NOS3: variants seen among roughly 807,000 people sequenced by gnomAD.
NOS3 encodes NOS type III.
NOS3 carries 98 observed loss-of-function variants against 144.9 expected under a neutral mutation model. The observed-to-expected ratio is 0.68, with a 90% confidence interval of 0.57 to 0.80. The LOEUF is 0.80. Among genes scored for constraint, NOS3 ranks in the 30% least tolerant of loss-of-function variants. The pLI, the probability that NOS3 is intolerant of heterozygous loss-of-function variation, is 0.00. For missense variants in NOS3, 1,465 were observed against 1,656.4 expected (o/e 0.88, Z 2.01); for synonymous variants, 714 against 702.4 (o/e 1.02, Z -0.26).
In NOS3 at chr7:151,002,937, T is replaced by C. The variant is rs1231833873; in HGVS notation, c.1752+633T>C. The C allele has an allele frequency of 8.8e-6, 2 of 228,496 alleles. No homozygotes were observed. The highest frequency in any genetic ancestry group is 1.8e-5 in the Non-Finnish European group (2 of 112,388). The allele number at this position is 228,496 out of a possible 1,614,324, so 14.2% of individuals were successfully genotyped here. A position where few individuals can be genotyped will look rare whatever the true frequency, so the allele number is the denominator to read the frequency against. ...AAGAAGAAATTGAGCGCTGTTTAGATGCCAACATAGATTAAATAACTTCAC... is the reference window on the plus strand; with the variant it reads ...AAGAAGAAATTGAGCGCTGTTTAGACGCCAACATAGATTAAATAACTTCAC... On this transcript the variant is annotated intron_variant, in intron 14 of 26. Coordinates refer to ENST00000297494, the MANE Select transcript of NOS3 (RefSeq NM_000603.5). The surrounding 1 kb of genome is among the most constrained non-coding windows in gnomAD (Gnocchi z 4.1).
chr7:150,995,098 G>T lies in NOS3; in HGVS notation c.159-105G>T, dbSNP rs114144563. 4.7e-3 allele frequency: 2,885 copies of T among 610,706 alleles called. 50 individuals carry two copies. The African/African-American group carries it at 0.047, about 10-fold the overall frequency. 37.8% of individuals were successfully genotyped at this position (610,706 alleles called of 1,614,324 possible). A position where few individuals can be genotyped will look rare whatever the true frequency, so the allele number is the denominator to read the frequency against. ...GAACGCCAGAAGGCATGCGGCAGGT[G>T]GGCTGTGAGATCGCCAGTGCTGTAA... On this transcript the variant is annotated intron_variant, in intron 2 of 26. Coordinates refer to ENST00000297494, the MANE Select transcript of NOS3 (RefSeq NM_000603.5).
At chr7:150,999,840 T>C (rs1376444233) in intron 9 of NOS3, among the ~76,000 whole-genome samples, 2 of 69,440 alleles carry the variant, frequency 2.9e-5, no homozygotes. Context: ...TGTGTAGGGG[T>C]GAGTGTGTGT....
At chr7:151,001,132 C>T (rs894070272) in intron 10 of NOS3, 99 bp from the exon 11 acceptor site, 19 of 1,205,470 alleles carry the variant, frequency 1.6e-5, no homozygotes, top group Middle Eastern at 2.7e-4. Flanking sequence ...ATGGGGTAAT[C>T]GAGGGCACAT....
At chr7:151,004,067 T>A (rs2566509) in intron 14 of NOS3, 1 of 221,406 alleles carries the variant, frequency 4.5e-6, no homozygotes, top group Non-Finnish European at 9.0e-6. Flanking sequence ...CCAGGCGCGG[T>A]GGCTCACGCC....
chr7:151,014,224 C>T lies in NOS3; in HGVS notation c.*55C>T. 3 of 1,524,290 alleles carry T rather than the reference C, an allele frequency of 2.0e-6. No individual in the cohort carries two copies. The highest frequency in any genetic ancestry group is 2.7e-6 in the Non-Finnish European group (3 of 1,130,388). 94.4% of individuals were successfully genotyped at this position (1,524,290 alleles called of 1,614,324 possible). ...GGAGAGCGGCTGCCCGACTCAGGTC[C>T]GCCCGACCAGGATCAGCCCCGCTCC... On this transcript the variant is annotated 3_prime_UTR_variant, in exon 27 of 27. Coordinates refer to ENST00000297494, the MANE Select transcript of NOS3 (RefSeq NM_000603.5).
At chr7:151,001,186 T>C (rs1425318188) in intron 10 of NOS3, 45 bp from the exon 11 acceptor site, 1 of 1,594,286 alleles carries the variant, frequency 6.3e-7, no homozygotes, top group East Asian at 2.2e-5. Context: ...ATGGGCGAGG[T>C]CTGTGGGTCT....
chr7:150,992,590 A>G (rs1015472406), intron 1 of NOS3, among the ~76,000 whole-genome samples: 1 of 152,144 alleles, frequency 6.6e-6, no homozygotes, highest in Non-Finnish European at 1.5e-5. Flanking sequence ...AGCTCTGAGC[A>G]CAGCCCGTTC....
In NOS3 at chr7:150,996,902, C is replaced by G. The variant is rs1249876232; in HGVS notation, c.559C>G (p.Arg187Gly). The G allele has an allele frequency of 1.3e-6, 2 of 1,577,374 alleles. No individual in the cohort carries two copies. The highest frequency in any genetic ancestry group is 1.3e-5 in the African/African-American group (1 of 74,204). ...GCGCAACGCTCCCCGCTGCGTGGGC[C>G]GGATCCAGTGGGGGAAGCTGCAGGT... ...AWRNAPRCVG[R>G]IQWGKLQVFD... The change falls in exon 5 of 27, where the codon CGG becomes GGG. Residue 187 changes from arginine (R) to glycine (G), a missense_variant. This residue lies in a region of NOS3 where 374 missense variants were observed against 377.0 expected (regional missense o/e 0.99). Transcript: ENST00000297494.
At chr7:151,001,133 G>A (rs948279746) in intron 10 of NOS3, 98 bp from the exon 11 acceptor site, 100 of 1,216,888 alleles carry the variant, frequency 8.2e-5, no homozygotes, top group Middle Eastern at 2.7e-4. Context: ...TGGGGTAATC[G>A]AGGGCACATG....
rs747079293 is a variant in NOS3 at position 151,008,889 on chromosome 7, G to A, written c.2113-41G>A. On this transcript the variant is annotated intron_variant, in intron 17 of 26. Transcript: ENST00000297494. ...CAGGCGCCTCACTAGGGCGACCCCTGGTGGCGGGAGGTCCTCAGCCCTCAC... is the reference window on the plus strand; with the variant it reads ...CAGGCGCCTCACTAGGGCGACCCCTAGTGGCGGGAGGTCCTCAGCCCTCAC... 4.5e-6 allele frequency: 7 copies of A among 1,568,006 alleles called. No homozygotes were observed. The South Asian group carries it at 7.0e-5, about 16-fold the overall frequency.
intron 1 of NOS3, among the ~76,000 whole-genome samples, chr7:150,992,951 T>TC (rs1261741819): frequency 1.3e-5 from 2 of 152,030 alleles, no homozygotes; most frequent in African/African-American, 2.4e-5. Flanking sequence ...GTTTCCCTAG[T>TC]CCCCCATGCT....
Position 151,007,163 on chromosome 7 carries a change from GTGGACACACGGCTGGA to G in NOS3, c.2000_2015del (p.Val667GlyfsTer66), listed in dbSNP as rs1795218822. The G allele has an allele frequency of 6.2e-7, 1 of 1,613,698 alleles. No individual in the cohort carries two copies. The highest frequency in any genetic ancestry group is 8.5e-7 in the Non-Finnish European group (1 of 1,179,966). ...CCACTTCTGCGCCTTTGCTCGTGCCGTGGACACACGGCTGGAGGAACTGGGCGGGGAGCGGCTGCTG... is the reference window on the plus strand; with the variant it reads ...CCACTTCTGCGCCTTTGCTCGTGCCGGGAACTGGGCGGGGAGCGGCTGCTG... On this transcript the variant is annotated frameshift_variant, in exon 17 of 27. Transcript: ENST00000297494. LOFTEE classifies it high-confidence loss of function.
chr7:150,998,818 C>A lies in NOS3; in HGVS notation c.817-128C>A. On this transcript the variant is annotated intron_variant, in intron 7 of 26. Coordinates refer to ENST00000297494, the MANE Select transcript of NOS3 (RefSeq NM_000603.5). The surrounding 1 kb of genome is among the most constrained non-coding windows in gnomAD (Gnocchi z 5.0). ...GATGAAAAACACCAAAGGAGGGGTG[C>A]CTGGGTGGTCACGGAGACCCAGCCA... is the stretch of plus-strand genomic sequence containing the variant. 6.9e-7 allele frequency: 1 copy of A among 1,449,242 alleles called. No individual in the cohort carries two copies. 89.8% of individuals were successfully genotyped at this position (1,449,242 alleles called of 1,614,324 possible).
rs1802430286 is a variant in NOS3 at position 150,996,562 on chromosome 7, T to C, written c.419+10T>C. 1 of 1,585,110 alleles carries C rather than the reference T, an allele frequency of 6.3e-7. No homozygotes were observed. Reference sequence around the variant, plus strand: ...ACAGCTCCATTAAGAGGTGACAGCTTCCCGGACGCCACAGCCTCCCTTGTC... The same window carrying C: ...ACAGCTCCATTAAGAGGTGACAGCTCCCCGGACGCCACAGCCTCCCTTGTC... On this transcript the variant is annotated intron_variant, in intron 4 of 26. Transcript: ENST00000297494.
chr7:151,001,407 C>T lies in NOS3; in HGVS notation c.1410C>T (p.Ser470=), dbSNP rs759701069. The change falls in exon 11 of 27, where the codon TCC becomes TCT. Residue 470 remains serine (S), a synonymous_variant. Transcript: ENST00000297494. ...FHQEMVNYFL[S]PAFRYQPDPW... ...AGGAGATGGTCAACTATTTCCTGTCCCCGGCCTTCCGCTACCAGGTGCCCA... is the reference window on the plus strand; with the variant it reads ...AGGAGATGGTCAACTATTTCCTGTCTCCGGCCTTCCGCTACCAGGTGCCCA... 3 of 1,590,154 alleles carry T rather than the reference C, an allele frequency of 1.9e-6. No individual in the cohort carries two copies. In the East Asian group the frequency reaches 6.7e-5, roughly 36 times the overall value.
Position 151,001,555 on chromosome 7 carries a change from G to T in NOS3, c.1440G>T (p.Trp480Cys), listed in dbSNP as rs1402465169. 1.9e-5 allele frequency: 30 copies of T among 1,613,852 alleles called. No homozygotes were observed. The highest frequency in any genetic ancestry group is 2.5e-5 in the Non-Finnish European group (30 of 1,179,986). The change falls in exon 12 of 27, where the codon TGG (tryptophan) becomes TGT (cysteine). Residue 480 changes from tryptophan to cysteine, a missense_variant. Around this residue, in one of 5 missense-constraint regions of NOS3, gnomAD observed 745 missense variants for 853.9 expected, o/e 0.87. Coordinates refer to ENST00000297494, the MANE Select transcript of NOS3 (RefSeq NM_000603.5). ...TCATCTCTCTGCAGCCAGACCCCTG[G>T]AAGGGGAGTGCCGCCAAGGGCACCG... ...SPAFRYQPDP[W>C]KGSAAKGTGI...
intron 5 of NOS3, 62 bp downstream of exon 5, chr7:150,996,987 C>A: frequency 2.7e-6 from 4 of 1,506,242 alleles, no homozygotes; most frequent in Non-Finnish European, 3.6e-6. Flanking sequence ...GGTGGCGGGG[C>A]AGTTCCTAAG....
Position 151,001,974 on chromosome 7 carries a change from G to C in NOS3, c.1647+9G>C. 6.2e-7 allele frequency: 1 copy of C among 1,612,958 alleles called. No individual in the cohort carries two copies. Among genetic ancestry groups the C allele is most frequent in the Non-Finnish European group, 8.5e-7 (1 of 1,179,756 alleles). ...AGGCTTTTGATCCCCGGGTAGGGCTGAGCCCAGGGGAGCAGGGAGCTAGAA... is the reference window on the plus strand; with the variant it reads ...AGGCTTTTGATCCCCGGGTAGGGCTCAGCCCAGGGGAGCAGGGAGCTAGAA... On this transcript the variant is annotated intron_variant, in intron 13 of 26. Coordinates refer to ENST00000297494, the MANE Select transcript of NOS3 (RefSeq NM_000603.5).
At position 151,001,575 on chromosome 7, in the gene NOS3, G is replaced by A. The variant is rs1353205835; in HGVS notation, c.1460G>A (p.Gly487Asp). 6 of 1,613,990 alleles carry A rather than the reference G, an allele frequency of 3.7e-6. No homozygotes were observed. The highest frequency in any genetic ancestry group is 5.1e-6 in the Non-Finnish European group (6 of 1,179,996). Residue 487 changes from glycine (G) to aspartate (D), a missense_variant, in exon 12 of 27, where the codon GGC becomes GAC. This residue lies in a region of NOS3 where 745 missense variants were observed against 853.9 expected (regional missense o/e 0.87). Coordinates refer to ENST00000297494, the MANE Select transcript of NOS3 (RefSeq NM_000603.5). ...PDPWKGSAAK[G>D]TGITRKKTFK... ...CCCTGGAAGGGGAGTGCCGCCAAGG[G>A]CACCGGCATCACCAGGAAGAAGACC...
Sources: allele counts gnomAD v4.1 joint callset (sites outside exome capture counted in the v4.1 genomes callset), GRCh38; gene constraint gnomAD v4.1.1; regional missense constraint gnomAD v4.1.1; non-coding constraint Gnocchi (gnomAD v3.1); transcripts MANE v1.5; gene names NCBI Gene and HGNC (gene_info 2026-07-23, HGNC 2026-07-21).